LMX1B: variants seen among roughly 807,000 people sequenced by gnomAD.
The protein encoded by LMX1B is LIM homeobox transcription factor 1 beta.
A neutral mutation model predicts 51.4 loss-of-function variants in LMX1B; 12 were observed. That is an observed-to-expected ratio of 0.23 (90% CI 0.15 to 0.38). The LOEUF is 0.38. Among genes scored for constraint, LMX1B ranks in the 10% least tolerant of loss-of-function variants. The pLI is 1.00. For missense variants in LMX1B, 445 were observed against 571.1 expected, an observed-to-expected ratio of 0.78 and a Z score of 2.25; for synonymous variants, 237 against 235.4, an observed-to-expected ratio of 1.01 and a Z score of -0.06.
rs1251912338 is a variant in LMX1B, at chr9:126,625,291, C to T, written c.326+9722C>T. ...GGGGGCGGGGGAAGGGGTGGTTTTG[C>T]GGGTGCCTTAATTGGCAGCGTCTGG... On this transcript the variant is annotated intron_variant, in intron 2 of 7. Coordinates refer to ENST00000373474, the MANE Select transcript of LMX1B (RefSeq NM_001174147.2). The surrounding 1 kb of genome is among the most constrained non-coding windows in gnomAD (Gnocchi z 5.3). 2.0e-5 allele frequency among the ~76,000 whole-genome samples: 3 copies of T among 152,186 alleles called. No homozygotes were observed. The highest frequency in any genetic ancestry group is 2.1e-4 in the South Asian group (1 of 4,812).
At chr9:126,694,235 T>C (rs2030249342) in intron 6 of LMX1B, among the ~76,000 whole-genome samples, 1 of 151,974 alleles carries the variant, frequency 6.6e-6, no homozygotes, top group Non-Finnish European at 1.5e-5. Context: ...CCTGTCCTCA[T>C]AAATCACTGC....
intron 2 of LMX1B, among the ~76,000 whole-genome samples, chr9:126,634,396 C>G (rs1467858392): frequency 6.6e-6 from 1 of 152,208 alleles, no homozygotes; most frequent in Non-Finnish European, 1.5e-5. Context: ...TTCCTCCCTC[C>G]ACGCCCTGTG....
At chr9:126,640,633 C>G (rs555451639) in intron 2 of LMX1B, 31 of 152,512 alleles carry the variant, frequency 2.0e-4, no homozygotes, top group African/African-American at 7.2e-4. Context: ...CTTGTCCTGG[C>G]CTCCTTGGGA....
At chr9:126,687,785 C>G (rs957337326) in intron 2 of LMX1B, among the ~76,000 whole-genome samples, 1 of 152,190 alleles carries the variant, frequency 6.6e-6, no homozygotes, top group African/African-American at 2.4e-5. Context: ...GCATGGAACT[C>G]AAGTCCATGT....
chr9:126,635,828 G>A (rs1835705284), intron 2 of LMX1B, among the ~76,000 whole-genome samples: 1 of 152,170 alleles, frequency 6.6e-6, no homozygotes, highest in African/African-American at 2.4e-5. Context: ...GGTGCCATGA[G>A]CTGTGGCCTC....
At chr9:126,684,387 C>T (rs907036399) in intron 2 of LMX1B, among the ~76,000 whole-genome samples, 3 of 152,252 alleles carry the variant, frequency 2.0e-5, no homozygotes, top group Non-Finnish European at 4.4e-5. Flanking sequence ...AGAGAGCACA[C>T]ACCTATTAAG....
chr9:126,639,578 C>T (rs147356984), intron 2 of LMX1B, among the ~76,000 whole-genome samples: 54 of 152,346 alleles, frequency 3.5e-4, no homozygotes, highest in African/African-American at 1.1e-3. Flanking sequence ...TAATAACACA[C>T]GCCCAACAAT....
chr9:126,669,982 G>A (rs1441223093), intron 2 of LMX1B, among the ~76,000 whole-genome samples: 1 of 152,206 alleles, frequency 6.6e-6, no homozygotes, highest in Non-Finnish European at 1.5e-5. Context: ...AGGGCTCCTG[G>A]GTGGAGGATT....
chr9:126,649,712 G>A (rs1250543522), intron 2 of LMX1B, among the ~76,000 whole-genome samples: 1 of 152,184 alleles, frequency 6.6e-6, no homozygotes, highest in Non-Finnish European at 1.5e-5. Context: ...TGCCATCTCT[G>A]CCTCTTGGAC....
At position 126,671,224 on chromosome 9, in the gene LMX1B, A is replaced by T. The variant is rs1836443869; in HGVS notation, c.327-19612A>T. Among the ~76,000 whole-genome samples the T allele has an allele frequency of 6.6e-6, 1 of 152,098 alleles. No homozygotes were observed. The highest frequency in any genetic ancestry group is 2.1e-4 in the South Asian group (1 of 4,824). Reference sequence around the variant, plus strand: ...CACCGCCGAGCTCTGAGCTGGGGGGAGGGGACCCCGCTCGGAAATCGGTCA... The same window carrying T: ...CACCGCCGAGCTCTGAGCTGGGGGGTGGGGACCCCGCTCGGAAATCGGTCA... On this transcript the variant is annotated intron_variant, in intron 2 of 7. Transcript: ENST00000373474. This position sits in a 1 kb window ranked among gnomAD's most constrained non-coding sequence, Gnocchi z 4.4.
chr9:126,661,727 G>A (rs1367883032), intron 2 of LMX1B, among the ~76,000 whole-genome samples: 6 of 152,104 alleles, frequency 3.9e-5, no homozygotes, highest in Non-Finnish European at 8.8e-5. Context: ...AGGCACCTGA[G>A]AATGCCAGGC....
In LMX1B at chr9:126,614,170, C is replaced by T. The variant is rs1394468531; in HGVS notation, c.-280C>T. On this transcript the variant is annotated 5_prime_UTR_variant, in exon 1 of 8. Coordinates refer to ENST00000373474, the MANE Select transcript of LMX1B (RefSeq NM_001174147.2). ...CTCCGTCTGCAGCAGCCGCCGCCGC[C>T]GGGTTCCGGGACTGACAAGCAGGTG... is the stretch of plus-strand genomic sequence containing the variant. 6.9e-6 allele frequency among the ~76,000 whole-genome samples: 1 copy of T among 145,546 alleles called. No individual in the cohort carries two copies. Among genetic ancestry groups the T allele is most frequent in the Non-Finnish European group, 1.5e-5 (1 of 65,512 alleles).
chr9:126,658,000 G>A (rs1836152317), intron 2 of LMX1B, among the ~76,000 whole-genome samples: 1 of 152,168 alleles, frequency 6.6e-6, no homozygotes, highest in South Asian at 2.1e-4. Flanking sequence ...GTTTCCAGAA[G>A]AGGCTGGGCA....
At chr9:126,696,042 C>A in intron 7 of LMX1B, 39 bp downstream of exon 7, 1 of 1,445,980 alleles carries the variant, frequency 6.9e-7, no homozygotes, top group Non-Finnish European at 9.1e-7. Context: ...CCCAGCACAG[C>A]CCCTGCCCCC....
Position 126,614,377 on chromosome 9 carries a change from C to A in LMX1B, c.-73C>A. 2.6e-6 allele frequency: 3 copies of A among 1,151,956 alleles called. No individual in the cohort carries two copies. The highest frequency in any genetic ancestry group is 3.2e-6 in the Non-Finnish European group (3 of 925,748). The allele number at this position is 1,151,956 out of a possible 1,614,324, so 71.4% of individuals were successfully genotyped here. Reference sequence around the variant, plus strand: ...CGCCTCCCCGGTTCCAGGGCCGCGGCGGCGGAGAGCGGGTGGACGGGCCGG... The same window carrying A: ...CGCCTCCCCGGTTCCAGGGCCGCGGAGGCGGAGAGCGGGTGGACGGGCCGG... On this transcript the variant is annotated 5_prime_UTR_variant, in exon 1 of 8. Coordinates refer to ENST00000373474, the MANE Select transcript of LMX1B (RefSeq NM_001174147.2).
intron 3 of LMX1B, among the ~76,000 whole-genome samples, chr9:126,691,407 C>T (rs920763961): frequency 6.6e-6 from 1 of 152,150 alleles, no homozygotes; most frequent in Non-Finnish European, 1.5e-5. Context: ...GATATGTGTT[C>T]ACATACCCGG....
chr9:126,690,776 G>A (rs1363165764), intron 2 of LMX1B, 60 bp from the exon 3 acceptor site: 2 of 1,436,694 alleles, frequency 1.4e-6, no homozygotes, highest in East Asian at 2.5e-5. Flanking sequence ...CCCTCGGCAG[G>A]AGTGGCCTCT....
In LMX1B at chr9:126,615,056, G is replaced by T. The variant is rs1835275349; in HGVS notation, c.140-327G>T. On this transcript the variant is annotated intron_variant, in intron 1 of 7. Coordinates refer to ENST00000373474, the MANE Select transcript of LMX1B (RefSeq NM_001174147.2). The surrounding 1 kb of genome is among the most constrained non-coding windows in gnomAD (Gnocchi z 6.0). ...CCAGCGAGCGCCCCAGCCTCACCTC[G>T]CCTGTCTTGGTCCCAGCCGGCCACC... Among the ~76,000 whole-genome samples, 1 of 151,770 alleles carries T rather than the reference G, an allele frequency of 6.6e-6. No homozygotes were observed. The highest frequency in any genetic ancestry group is 2.4e-5 in the African/African-American group (1 of 41,352).
chr9:126,688,261 C>T (rs976395218), intron 2 of LMX1B, among the ~76,000 whole-genome samples: 6 of 152,208 alleles, frequency 3.9e-5, no homozygotes, highest in African/African-American at 1.4e-4. Flanking sequence ...GGCATTAGCG[C>T]GGCTGTTCTG....
Sources: gnomAD v4.1 joint callset for allele counts (sites outside exome capture counted in the v4.1 genomes callset) on GRCh38, gnomAD v4.1.1 for gene constraint, Gnocchi (gnomAD v3.1) non-coding constraint, MANE v1.5 for transcripts, NCBI Gene and HGNC (gene_info 2026-07-23, HGNC 2026-07-21) for gene names.